The following KCNN3 variants were observed in gnomAD, a reference collection of about 807,000 sequenced individuals.
KCNN3 encodes the protein small conductance calcium-activated potassium channel protein 3.
Under a neutral mutation model 62.9 loss-of-function variants are expected in KCNN3, and 16 were observed. The observed-to-expected ratio is 0.25, with a 90% CI of 0.17 to 0.39. The LOEUF (loss-of-function observed/expected upper bound fraction) is 0.39, where lower values mean the gene tolerates loss of function less well. KCNN3 is among the 10% of genes least tolerant of loss of function. The probability of loss-of-function intolerance (pLI) is 1.00; values close to 1 mark genes in which losing one functional copy is unlikely to be tolerated. For missense variants in KCNN3, 599 were observed against 949.4 expected (o/e 0.63, Z 4.85); for synonymous variants, 370 against 389.2 (o/e 0.95, Z 0.58).
intron 2 of KCNN3, among the ~76,000 whole-genome samples, chr1:154,798,412 C>T (rs1041882934): frequency 3.3e-5 from 5 of 152,186 alleles, no homozygotes; most frequent in Non-Finnish European, 7.3e-5. Context: ...CAGCAAATAG[C>T]GAGGCAGGAC....
chr1:154,726,022 G>A lies in KCNN3; in HGVS notation c.1595C>T (p.Ala532Val). The change falls in exon 5 of 8, where the codon GCA becomes GTA. Residue 532 changes from alanine (A) to valine (V), a missense_variant. Physicochemically the swap from Ala to Val is moderately conservative, Grantham distance 64. Coordinates refer to ENST00000271915, the MANE Select transcript of KCNN3 (RefSeq NM_002249.6). Reference sequence around the variant, plus strand: ...GGCCACCACAAGGGCAGTGCAGCCTGCACCCTGCGGGGGGACATCAAGAGG... The same window carrying A: ...GGCCACCACAAGGGCAGTGCAGCCTACACCCTGCGGGGGGACATCAAGAGG... ...GVCLLTGIMG[A>V]GCTALVVAVV... The A allele has an allele frequency of 6.2e-7, 1 of 1,612,780 alleles. No homozygotes were observed. Among genetic ancestry groups the A allele is most frequent in the Non-Finnish European group, 8.5e-7 (1 of 1,178,982 alleles).
chr1:154,841,101 G>A (rs557285082), intron 1 of KCNN3, among the ~76,000 whole-genome samples: 1 of 152,338 alleles, frequency 6.6e-6, no homozygotes, highest in South Asian at 2.1e-4. Context: ...TGCAGAGATG[G>A]TGAGGGCGCA....
chr1:154,857,684 T>A (rs957194549), intron 1 of KCNN3, among the ~76,000 whole-genome samples: 1 of 152,198 alleles, frequency 6.6e-6, no homozygotes, highest in African/African-American at 2.4e-5. Context: ...ACCTCCCAGC[T>A]GTGAGACCCT....
intron 3 of KCNN3, among the ~76,000 whole-genome samples, chr1:154,762,887 A>G (rs1648083784): frequency 6.6e-6 from 1 of 152,100 alleles, no homozygotes; most frequent in African/African-American, 2.4e-5. Flanking sequence ...CAATTTCTCC[A>G]TTACCATTTA....
Position 154,703,225 on chromosome 1 carries a change from G to A in KCNN3, c.*4751C>T, listed in dbSNP as rs915983794. 1 of 152,028 alleles carries A rather than the reference G, an allele frequency of 6.6e-6. No individual in the cohort carries two copies. The highest frequency in any genetic ancestry group is 6.6e-5 in the Admixed American group (1 of 15,264). The allele number at this position is 152,028 out of a possible 1,614,324, so 9.4% of individuals were successfully genotyped here. On this transcript the variant is annotated 3_prime_UTR_variant, in exon 8 of 8. Transcript: ENST00000271915. ...TGGCACAAGCTTTCTACTACCACAA[G>A]CAGACAGTTACTATTGCGATCCCTG... is the stretch of plus-strand genomic sequence containing the variant.
At chr1:154,739,418 T>C (rs1476290840) in intron 3 of KCNN3, among the ~76,000 whole-genome samples, 1 of 152,206 alleles carries the variant, frequency 6.6e-6, no homozygotes, top group East Asian at 1.9e-4. Flanking sequence ...TTACCCTGAA[T>C]GTCATGTTTA....
intron 2 of KCNN3, among the ~76,000 whole-genome samples, chr1:154,798,852 G>T (rs1449445256): frequency 6.6e-6 from 1 of 151,716 alleles, no homozygotes; most frequent in Admixed American, 6.6e-5. Flanking sequence ...ACTATACTGT[G>T]GGCAGACTGG....
intron 7 of KCNN3, among the ~76,000 whole-genome samples, chr1:154,713,087 T>C (rs1300331787): frequency 6.6e-6 from 1 of 152,188 alleles, no homozygotes; most frequent in Non-Finnish European, 1.5e-5. Context: ...GCAGTTACCA[T>C]GGCCATCGTT....
At chr1:154,859,738 C>T (rs2101932537) in intron 1 of KCNN3, 1 of 1,614,216 alleles carries the variant, frequency 6.2e-7, no homozygotes, top group Non-Finnish European at 8.5e-7. Context: ...AAACACCAAA[C>T]AACTGTCCTT....
At chr1:154,776,831 C>T (rs1012276798) in intron 2 of KCNN3, among the ~76,000 whole-genome samples, 2 of 152,186 alleles carry the variant, frequency 1.3e-5, no homozygotes, top group Admixed American at 1.3e-4. Context: ...CATGCCCAGG[C>T]CCAGGCCCAC....
chr1:154,777,734 A>T (rs1196546247), intron 2 of KCNN3, among the ~76,000 whole-genome samples: 1 of 152,130 alleles, frequency 6.6e-6, no homozygotes, highest in African/African-American at 2.4e-5. Context: ...GACCAGCTTG[A>T]CTGTTGGCCT....
At chr1:154,845,104 C>T (rs553982090) in intron 1 of KCNN3, among the ~76,000 whole-genome samples, 3 of 152,160 alleles carry the variant, frequency 2.0e-5, no homozygotes, top group Non-Finnish European at 4.4e-5. Context: ...GGATGGCAAA[C>T]CCCTTGCCAC....
Position 154,702,641 on chromosome 1 carries a change from T to C in KCNN3, c.*5335A>G, listed in dbSNP as rs948984471. ...GACAACATGACACAGCTAGAGAATG[T>C]TGTTTATTCCTTGTCCTTCTTGAGT... is the stretch of plus-strand genomic sequence containing the variant. On this transcript the variant is annotated 3_prime_UTR_variant, in exon 8 of 8. Coordinates refer to ENST00000271915, the MANE Select transcript of KCNN3 (RefSeq NM_002249.6). 7.0e-4 allele frequency: 101 copies of C among 143,362 alleles called. No homozygotes were observed. The Admixed American group carries it at 7.3e-3, about 10-fold the overall frequency. 8.9% of individuals were successfully genotyped at this position (143,362 alleles called of 1,614,324 possible).
chr1:154,790,763 C>A (rs542733785), intron 2 of KCNN3, among the ~76,000 whole-genome samples: 1 of 152,328 alleles, frequency 6.6e-6, no homozygotes, highest in East Asian at 1.9e-4. Flanking sequence ...GACTATCTCT[C>A]TCTGTAGGAT....
chr1:154,850,435 A>G (rs1652257119), intron 1 of KCNN3, among the ~76,000 whole-genome samples: 1 of 152,218 alleles, frequency 6.6e-6, no homozygotes, highest in African/African-American at 2.4e-5. Flanking sequence ...GGGTGCCAGC[A>G]TCAGACACCA....
At chr1:154,771,858 G>A (rs1443292522) in intron 3 of KCNN3, 117 bp downstream of exon 3, 3 of 1,003,906 alleles carry the variant, frequency 3.0e-6, no homozygotes, top group Non-Finnish European at 4.6e-6. Flanking sequence ...CTCCTTTCAG[G>A]TGTCTGGGTA....
At chr1:154,723,922 A>G (rs1700408417) in intron 5 of KCNN3, among the ~76,000 whole-genome samples, 1 of 152,242 alleles carries the variant, frequency 6.6e-6, no homozygotes, top group South Asian at 2.1e-4. Context: ...GGGGGCTGAA[A>G]GAGAGTGGCC....
In KCNN3 at chr1:154,862,385, A is replaced by T. The variant is rs1046252881; in HGVS notation, c.933+6647T>A. On this transcript the variant is annotated intron_variant, in intron 1 of 7. Transcript: ENST00000271915. This position sits in a 1 kb window ranked among gnomAD's most constrained non-coding sequence, Gnocchi z 4.1. Reference sequence around the variant, plus strand: ...CTCATGTGACTGTCCCCCGATAAACAGCCACACAGCCAGTGCTGGAGGAGA... The same window carrying T: ...CTCATGTGACTGTCCCCCGATAAACTGCCACACAGCCAGTGCTGGAGGAGA... 1.3e-5 allele frequency among the ~76,000 whole-genome samples: 2 copies of T among 152,170 alleles called. No homozygotes were observed. The highest frequency in any genetic ancestry group is 2.9e-5 in the Non-Finnish European group (2 of 68,016).
At chr1:154,817,996 C>T (rs554244731) in intron 2 of KCNN3, among the ~76,000 whole-genome samples, 2 of 152,242 alleles carry the variant, frequency 1.3e-5, no homozygotes, top group African/African-American at 4.8e-5. Flanking sequence ...AGGGGATTAG[C>T]ACGGTCTGAG....
Sources: allele counts gnomAD v4.1 joint callset (sites outside exome capture counted in the v4.1 genomes callset), GRCh38; gene constraint gnomAD v4.1.1; non-coding constraint Gnocchi (gnomAD v3.1); transcripts MANE v1.5; gene names NCBI Gene and HGNC (gene_info 2026-07-23, HGNC 2026-07-21).